Variants in SYNE2 observed in about 807,000 individuals in gnomAD.
The protein encoded by SYNE2 is nesprin-2.
A neutral mutation model predicts 856.3 loss-of-function variants in SYNE2; 431 were observed. That is an observed-to-expected ratio of 0.50 (90% CI 0.47 to 0.55). The LOEUF (loss-of-function observed/expected upper bound fraction) is 0.55, where lower values mean the gene tolerates loss of function less well. Ranked by LOEUF, SYNE2 falls within the 20% of genes least tolerant of loss-of-function variation. The pLI, the probability that SYNE2 is intolerant of heterozygous loss-of-function variation, is 0.00. For missense variants in SYNE2, 8,129 were observed against 8,023.2 expected (o/e 1.01, Z -0.50); for synonymous variants, 2,923 against 2,872.3 (o/e 1.02, Z -0.56).
chr14:64,145,561 AAAAG>A (rs2098176912), intron 83 of SYNE2, among the ~76,000 whole-genome samples: 1 of 152,100 alleles, frequency 6.6e-6, no homozygotes. Context: ...ATGTATGTAA[AAAAG>A]AATATAAAAA....
intron 67 of SYNE2, among the ~76,000 whole-genome samples, chr14:64,120,069 G>A (rs767116998): frequency 6.6e-6 from 1 of 152,110 alleles, no homozygotes; most frequent in Non-Finnish European, 1.5e-5. Context: ...CATATAAAGT[G>A]TTCTCATGAT....
At chr14:64,017,460 T>A (rs1461815265) in intron 33 of SYNE2, 135 bp from the exon 34 acceptor site, 1 of 713,974 alleles carries the variant, frequency 1.4e-6, no homozygotes, top group Non-Finnish European at 2.4e-6. Flanking sequence ...TTAAAGCAAA[T>A]TTTTGTTGAT....
At chr14:64,179,880 G>C (rs1290003456) in intron 96 of SYNE2, among the ~76,000 whole-genome samples, 1 of 152,066 alleles carries the variant, frequency 6.6e-6, no homozygotes. Context: ...AAGATATTTT[G>C]TTAATGTGGA....
intron 2 of SYNE2, among the ~76,000 whole-genome samples, chr14:63,936,018 G>A (rs2095826464): frequency 6.6e-6 from 1 of 152,064 alleles, no homozygotes; most frequent in Non-Finnish European, 1.5e-5. Context: ...GGGATTACAG[G>A]TGCCCACCAC....
chr14:64,066,940 C>A (rs2097362785), intron 51 of SYNE2, among the ~76,000 whole-genome samples: 1 of 152,226 alleles, frequency 6.6e-6, no homozygotes, highest in South Asian at 2.1e-4. Context: ...CTGCTCACTG[C>A]TGTAACCTTG....
intron 51 of SYNE2, among the ~76,000 whole-genome samples, chr14:64,068,345 T>G (rs1008167721): frequency 2.0e-5 from 3 of 152,186 alleles, no homozygotes; most frequent in African/African-American, 4.8e-5. Flanking sequence ...TCATAGTATT[T>G]CCATTTCCAG....
At chr14:64,077,823 T>C (rs2097480291) in intron 54 of SYNE2, among the ~76,000 whole-genome samples, 1 of 152,178 alleles carries the variant, frequency 6.6e-6, no homozygotes, top group African/African-American at 2.4e-5. Flanking sequence ...TTTTTTTGTT[T>C]CTTTTTAAGA....
Position 64,214,315 on chromosome 14 carries a change from T to A in SYNE2, c.19178T>A (p.Leu6393Gln). 6.2e-7 allele frequency: 1 copy of A among 1,614,070 alleles called. No individual in the cohort carries two copies. Among genetic ancestry groups the A allele is most frequent in the Non-Finnish European group, 8.5e-7 (1 of 1,179,988 alleles). Residue 6393 changes from leucine to glutamine, a missense_variant, in exon 106 of 116, where the codon CTG becomes CAG. By Grantham distance (113) the Leu-to-Gln change is moderately radical. This residue lies in a region of SYNE2 where 5,410 missense variants were observed against 5,284.8 expected (regional missense o/e 1.02). Transcript: ENST00000555002. ...GAGGAACCGTCATCTCCTCAGTCCC[T>A]GTGTCATCTAGTGGCCCCAGGGCAC... ...ESEEPSSPQSLCHLVAPGHER... is the reference protein window; with the variant it reads ...ESEEPSSPQSQCHLVAPGHER...
In SYNE2 at chr14:64,178,303, A is replaced by T. The variant is rs139715393; in HGVS notation, c.17556+820A>T. Among the ~76,000 whole-genome samples the T allele has an allele frequency of 3.0e-3, 454 of 152,340 alleles. 4 individuals carry two copies. The highest frequency in any genetic ancestry group is 0.01 in the African/African-American group (436 of 41,576). ...TATGACAAACTGCCATGACACCATCACCTAGCTAAAAAATTAAAAAGTATA... is the reference window on the plus strand; with the variant it reads ...TATGACAAACTGCCATGACACCATCTCCTAGCTAAAAAATTAAAAAGTATA... On this transcript the variant is annotated intron_variant, in intron 96 of 115. Coordinates refer to ENST00000555002, the MANE Select transcript of SYNE2 (RefSeq NM_182914.3).
At chr14:63,978,669 T>C (rs987784734) in intron 13 of SYNE2, among the ~76,000 whole-genome samples, 183 bp from the exon 14 acceptor site, 21 of 152,204 alleles carry the variant, frequency 1.4e-4, no homozygotes, top group African/African-American at 5.1e-4. Context: ...GAAATGGTTG[T>C]TGTATACCTA....
rs759976782 is a variant in SYNE2 at position 64,163,598 on chromosome 14, C to T, written c.16479+17C>T. 1.2e-6 allele frequency: 2 copies of T among 1,613,642 alleles called. No individual in the cohort carries two copies. Among genetic ancestry groups the T allele is most frequent in the African/African-American group, 2.7e-5 (2 of 75,022 alleles). On this transcript the variant is annotated intron_variant, in intron 89 of 115. Transcript: ENST00000555002. The stretch of plus-strand genomic sequence containing the variant: ...GAATTTGAGGTTCATCTTTTCTTTC[C>T]ATTCAAGTTTTAGTCTTAGACATTT...
Position 63,959,287 on chromosome 14 carries a change from CTTTTTTTTTT to C in SYNE2, c.788-2221_788-2212del, listed in dbSNP as rs34198434. 4.8e-3 allele frequency among the ~76,000 whole-genome samples: 387 copies of C among 81,378 alleles called. 2 individuals carry two copies. The highest frequency in any genetic ancestry group is 0.018 in the African/African-American group (351 of 19,166). 53.4% of individuals were successfully genotyped at this position (81,378 alleles called of 152,430 possible). A position where few individuals can be genotyped will look rare whatever the true frequency, so the allele number is the denominator to read the frequency against. On this transcript the variant is annotated intron_variant, in intron 8 of 115. Coordinates refer to ENST00000555002, the MANE Select transcript of SYNE2 (RefSeq NM_182914.3). ...CCATATTCTTTTTTCTTTTCTTCTTCTTTTTTTTTTTTTTTTTTTTTTTTTTGAGATGGAG... is the reference window on the plus strand; with the variant it reads ...CCATATTCTTTTTTCTTTTCTTCTTCTTTTTTTTTTTTTTTTGAGATGGAG...
At chr14:64,225,270 T>TTGTGCCTGTGGAGCCTCCCA in intron 115 of SYNE2, 49 bp from the exon 116 acceptor site, 1 of 1,613,952 alleles carries the variant, frequency 6.2e-7, no homozygotes, top group Non-Finnish European at 8.5e-7. Flanking sequence ...ATAGAGTGGG[T>TTGTGCCTGTGGAGCCTCCCA]TGTGCCTGTG....
rs1432122106 is a variant in SYNE2 at position 64,009,967 on chromosome 14, C to G, written c.4579C>G (p.Leu1527Val). Reference sequence around the variant, plus strand: ...TATTGTATATTTTTCTATTCTTAGTCTTGAACAATGTGGGAGAGTTTTGGA... The same window carrying G: ...TATTGTATATTTTTCTATTCTTAGTGTTGAACAATGTGGGAGAGTTTTGGA... ...ENTKALVTECLEQCGRVLELL... is the reference protein window; with the variant it reads ...ENTKALVTECVEQCGRVLELL... Residue 1527 changes from leucine (L) to valine (V), a missense_variant and splice_region_variant, in exon 32 of 116, where the codon CTT becomes GTT. By Grantham distance (32) the Leu-to-Val change is conservative (BLOSUM62 1). Around this residue, in one of 3 missense-constraint regions of SYNE2, gnomAD observed 2,422 missense variants for 2,357.4 expected, o/e 1.03. Coordinates refer to ENST00000555002, the MANE Select transcript of SYNE2 (RefSeq NM_182914.3). 6 of 1,613,170 alleles carry G rather than the reference C, an allele frequency of 3.7e-6. No homozygotes were observed. Among genetic ancestry groups the G allele is most frequent in the Non-Finnish European group, 5.1e-6 (6 of 1,179,626 alleles).
At chr14:63,984,622 G>A (rs1353441082) in intron 18 of SYNE2, among the ~76,000 whole-genome samples, 1 of 152,100 alleles carries the variant, frequency 6.6e-6, no homozygotes, top group Non-Finnish European at 1.5e-5. Flanking sequence ...CCAAGTATGG[G>A]AAAAGAACAA....
chr14:63,891,283 G>A (rs2140933631), intron 1 of SYNE2, among the ~76,000 whole-genome samples: 1 of 152,312 alleles, frequency 6.6e-6, no homozygotes, highest in East Asian at 1.9e-4. Context: ...AAGAAATGTG[G>A]CACGAGGAGG....
chr14:63,951,745 A>G (rs1256500828), intron 7 of SYNE2, among the ~76,000 whole-genome samples: 6 of 148,258 alleles, frequency 4.0e-5, no homozygotes, highest in Non-Finnish European at 1.5e-5. Context: ...CCAGTTTTCT[A>G]TATTTTAAAA....
intron 8 of SYNE2, among the ~76,000 whole-genome samples, chr14:63,958,611 G>A (rs2096269940): frequency 6.6e-6 from 1 of 152,088 alleles, no homozygotes; most frequent in African/African-American, 2.4e-5. Flanking sequence ...GGGTTCTCAT[G>A]GTAAAGTTAC....
chr14:64,017,516 A>T, intron 33 of SYNE2, 79 bp from the exon 34 acceptor site: 2 of 1,231,550 alleles, frequency 1.6e-6, no homozygotes, highest in East Asian at 4.7e-5. Flanking sequence ...ATTTTATTTT[A>T]AAACAGTGTT....
Sources: gnomAD v4.1 joint callset for allele counts (sites outside exome capture counted in the v4.1 genomes callset) on GRCh38, gnomAD v4.1.1 for gene constraint, gnomAD v4.1.1 regional missense constraint, MANE v1.5 for transcripts, NCBI Gene and HGNC (gene_info 2026-07-23, HGNC 2026-07-21) for gene names.